The following LYPD4 variants were observed in gnomAD, a reference collection of about 807,000 sequenced individuals.
LYPD4 encodes LY6/PLAUR domain containing 4.
In LYPD4, 20 loss-of-function variants were observed where a neutral mutation model predicts 18.2. The observed-to-expected ratio is 1.10, with a 90% CI of 0.77 to 1.59. The LOEUF is 1.59. Ranked by LOEUF, LYPD4 falls within the 40% of genes most tolerant of loss-of-function variation. The pLI, the probability that LYPD4 is intolerant of heterozygous loss-of-function variation, is 0.00. For missense variants in LYPD4, 278 were observed against 300.3 expected, an observed-to-expected ratio of 0.93 and a Z score of 0.55; for synonymous variants, 111 against 118.3, an observed-to-expected ratio of 0.94 and a Z score of 0.40.
chr19:41,837,816 C>T (rs2073416441), intron 4 of LYPD4, 119 bp downstream of exon 4: 2 of 1,093,820 alleles, frequency 1.8e-6, no homozygotes, highest in Non-Finnish European at 2.6e-6. Context: ...TTCATGTGCC[C>T]TGTCCCTTGC....
At position 41,838,882 on chromosome 19, in the gene LYPD4, T is replaced by C; in HGVS notation, c.210A>G (p.Thr70=). The C allele has an allele frequency of 2.5e-6, 4 of 1,613,804 alleles. No individual in the cohort carries two copies. The highest frequency in any genetic ancestry group is 1.1e-5 in the South Asian group (1 of 91,062). The change falls in exon 3 of 5, where the codon ACA becomes ACG. Residue 70 remains threonine (T), a splice_region_variant and synonymous_variant. Coordinates refer to ENST00000609812, the MANE Select transcript of LYPD4 (RefSeq NM_173506.7). The stretch of plus-strand genomic sequence containing the variant: ...TTGATCAAACTTAGACTGCTTCACC[T>C]GTCTCAATGAACACTAGCGTCTCCT... ...GCEETLVFIE[T]GTARGVVGFK...
At position 41,839,216 on chromosome 19, in the gene LYPD4, T is replaced by C. The variant is rs1450675325; in HGVS notation, c.67+3A>G. 1 of 1,614,056 alleles carries C rather than the reference T, an allele frequency of 6.2e-7. No homozygotes were observed. The highest frequency in any genetic ancestry group is 8.5e-7 in the Non-Finnish European group (1 of 1,180,004). On this transcript the variant is annotated splice_donor_region_variant and intron_variant, in intron 2 of 4. Coordinates refer to ENST00000609812, the MANE Select transcript of LYPD4 (RefSeq NM_173506.7). Reference sequence around the variant, plus strand: ...TTATAGCATCCAGCCCCACAGGACATACGAGGCAGAGTGGAGATGGCCCCT... The same window carrying C: ...TTATAGCATCCAGCCCCACAGGACACACGAGGCAGAGTGGAGATGGCCCCT...
chr19:41,840,817 G>A lies in LYPD4; in HGVS notation c.-120-1412C>T, dbSNP rs565326480. On this transcript the variant is annotated intron_variant, in intron 1 of 4. Transcript: ENST00000609812. ...TGCACTCCAGCCTGGACGACAGAGC[G>A]AAACTCCGTCTCAAAAAAAAAAAAA... Among the ~76,000 whole-genome samples, 341 of 147,938 alleles carry A rather than the reference G, an allele frequency of 2.3e-3. 2 individuals carry two copies. Among genetic ancestry groups the A allele is most frequent in the African/African-American group, 7.7e-3 (308 of 39,764 alleles).
In LYPD4 at chr19:41,837,196, G is replaced by T; in HGVS notation, c.688C>A (p.Gln230Lys). The stretch of plus-strand genomic sequence containing the variant: ...AAGACGACACCCCAAGCAGGATCTT[G>T]CCTGGAGGATGCTGCACCAACAATC... ...SQIVGAASSR[Q>K]DPAWGVVLGL... is the part of the protein sequence containing the mutation. The change falls in exon 5 of 5, where the codon CAA (glutamine) becomes AAA (lysine). Residue 230 changes from glutamine (Q) to lysine (K), a missense_variant. Transcript: ENST00000609812. 1 of 1,614,078 alleles carries T rather than the reference G, an allele frequency of 6.2e-7. No individual in the cohort carries two copies. Among genetic ancestry groups the T allele is most frequent in the Non-Finnish European group, 8.5e-7 (1 of 1,179,950 alleles).
At chr19:41,841,021 G>C (rs2073570291) in intron 1 of LYPD4, among the ~76,000 whole-genome samples, 3 of 152,066 alleles carry the variant, frequency 2.0e-5, no homozygotes, top group Admixed American at 2.0e-4. Flanking sequence ...ACCCAAAAAA[G>C]AATGGAAATA....
At position 41,838,479 on chromosome 19, in the gene LYPD4, A is replaced by G. The variant is rs191384235; in HGVS notation, c.212-218T>C. ...CACTGCAGGACCTCCCCCAGCCCCC[A>G]CTCCTCTCTCCCTTGTGCCCTCCTC... On this transcript the variant is annotated intron_variant, in intron 3 of 4. Coordinates refer to ENST00000609812, the MANE Select transcript of LYPD4 (RefSeq NM_173506.7). Among the ~76,000 whole-genome samples, 264 of 149,904 alleles carry G rather than the reference A, an allele frequency of 1.8e-3. 2 individuals are homozygous for G. Among genetic ancestry groups the G allele is most frequent in the African/African-American group, 5.8e-3 (235 of 40,702 alleles).
At chr19:41,839,673 GTGTGTGT>G (rs2073510436) in intron 1 of LYPD4, 9 of 216,320 alleles carry the variant, frequency 4.2e-5, no homozygotes, top group South Asian at 6.2e-5. Flanking sequence ...TTTCAAACTC[GTGTGTGT>G]TGTGTGTGTG....
chr19:41,840,646 C>A (rs1007223677), intron 1 of LYPD4, among the ~76,000 whole-genome samples: 4 of 151,840 alleles, frequency 2.6e-5, no homozygotes, highest in Admixed American at 1.3e-4. Flanking sequence ...TCCTGGCTAA[C>A]ACGGTGAAAC....
rs868943904 is a variant in LYPD4, at chr19:41,842,434, G to A, written c.-121+1144C>T. Among the ~76,000 whole-genome samples the A allele has an allele frequency of 2.0e-5, 3 of 152,150 alleles. No individual in the cohort carries two copies. The Middle Eastern group carries it at 0.01, about 518-fold the overall frequency. ...GGGGATGTACGCTATGGAATATCAC[G>A]CAGGAGTTGGAAGAAGTTGATTAGA... is the stretch of plus-strand genomic sequence containing the variant. On this transcript the variant is annotated intron_variant, in intron 1 of 4. Coordinates refer to ENST00000609812, the MANE Select transcript of LYPD4 (RefSeq NM_173506.7).
chr19:41,838,324 TC>T, intron 3 of LYPD4, 63 bp from the exon 4 acceptor site: 3 of 1,356,576 alleles, frequency 2.2e-6, no homozygotes, highest in South Asian at 1.7e-5. Flanking sequence ...GAGTCCTCCC[TC>T]CCCCCAGCTC....
At chr19:41,839,104 C>G (rs946361883) in intron 2 of LYPD4, 80 bp from the exon 3 acceptor site, 5 of 1,609,536 alleles carry the variant, frequency 3.1e-6, no homozygotes, top group East Asian at 2.2e-5. Flanking sequence ...AGAGTTCAGC[C>G]CCCACAGGTC....
chr19:41,836,811 G>A (rs2073381698), downstream of LYPD4, among the ~76,000 whole-genome samples: 1 of 151,996 alleles, frequency 6.6e-6, no homozygotes, highest in Admixed American at 6.6e-5. Context: ...CTTTTAAAGA[G>A]GAGGAAACTG....
intron 1 of LYPD4, among the ~76,000 whole-genome samples, chr19:41,843,078 C>CAAAAA (rs2073693023): frequency 1.1e-4 from 1 of 9,110 alleles, no homozygotes; most frequent in African/African-American, 3.7e-4. Context: ...AAAAAAAAAA[C>CAAAAA]CCCAACAACA....
In LYPD4 at chr19:41,837,920, T is replaced by C. The variant is rs2073421459; in HGVS notation, c.538+15A>G. The C allele has an allele frequency of 6.3e-7, 1 of 1,587,706 alleles. No homozygotes were observed. Among genetic ancestry groups the C allele is most frequent in the African/African-American group, 1.3e-5 (1 of 74,624 alleles). ...GAGAGTAGGCATTTGATAAACAATA[T>C]TCCTCTCCTCTCACCTGCCTGAAAT... On this transcript the variant is annotated intron_variant, in intron 4 of 4. Transcript: ENST00000609812.
chr19:41,840,841 A>T (rs1023588710), intron 1 of LYPD4, among the ~76,000 whole-genome samples: 1 of 152,206 alleles, frequency 6.6e-6, no homozygotes, highest in Non-Finnish European at 1.5e-5. Context: ...AAAAAAAAAA[A>T]AATAAAATAA....
chr19:41,835,165 A>C (rs2073359786), downstream of LYPD4: 1 of 152,208 alleles, frequency 6.6e-6, no homozygotes, highest in Non-Finnish European at 1.5e-5. Flanking sequence ...AAACTAAATA[A>C]AATATTGCTT....
At chr19:41,841,980 C>T (rs1279656006) in intron 1 of LYPD4, among the ~76,000 whole-genome samples, 1 of 152,178 alleles carries the variant, frequency 6.6e-6, no homozygotes, top group Non-Finnish European at 1.5e-5. Context: ...TATAAATACC[C>T]ATTTCCAGTA....
In LYPD4 at chr19:41,838,242, C is replaced by T; in HGVS notation, c.231G>A (p.Val77=). 4 of 1,534,356 alleles carry T rather than the reference C, an allele frequency of 2.6e-6. No homozygotes were observed. The South Asian group carries it at 5.1e-5, about 20-fold the overall frequency. Residue 77 remains valine, a synonymous_variant, in exon 4 of 5, where the codon GTG becomes GTA. Coordinates refer to ENST00000609812, the MANE Select transcript of LYPD4 (RefSeq NM_173506.7). The stretch of plus-strand genomic sequence containing the variant: ...AAGACGAGCTGCAGCCTTTAAAGCC[C>T]ACGACTCCCCTTGCAGTCCCTGAGG... ...FIETGTARGV[V]GFKGCSSSSS... is the part of the protein sequence containing the mutation.
chr19:41,839,526 TA>T, intron 1 of LYPD4, 121 bp from the exon 2 acceptor site: 1 of 534,940 alleles, frequency 1.9e-6, no homozygotes, highest in Non-Finnish European at 3.3e-6. Context: ...TCCACCATCT[TA>T]GCTTCTCAAA....
Sources: allele counts gnomAD v4.1 joint callset (sites outside exome capture counted in the v4.1 genomes callset), GRCh38; gene constraint gnomAD v4.1.1; transcripts MANE v1.5; gene names NCBI Gene and HGNC (gene_info 2026-07-23, HGNC 2026-07-21).